The following NOS1 variants were observed in gnomAD, a reference collection of about 807,000 sequenced individuals.
NOS1 encodes the protein nitric oxide synthase 1.
Under a neutral mutation model 164.5 loss-of-function variants are expected in NOS1, and 51 were observed. The observed-to-expected ratio is 0.31, with a 90% CI of 0.25 to 0.39. NOS1 has a LOEUF of 0.39. Ranked by LOEUF, NOS1 falls within the 10% of genes least tolerant of loss-of-function variation. NOS1 has a pLI of 1.00. For synonymous variants in NOS1, 719 were observed against 745.8 expected, an observed-to-expected ratio of 0.96 and a Z score of 0.59; for missense variants, 1,362 against 1,885.6, an observed-to-expected ratio of 0.72 and a Z score of 5.14.
At chr12:117,311,406 C>G (rs1874424637) in intron 3 of NOS1, 60 bp downstream of exon 3, 4 of 1,515,914 alleles carry the variant, frequency 2.6e-6, no homozygotes, top group Non-Finnish European at 3.6e-6. Flanking sequence ...AGCTTCCCAC[C>G]TGGGAGGGGG....
chr12:117,239,629 G>C (rs1279491061), intron 20 of NOS1, among the ~76,000 whole-genome samples: 1 of 152,034 alleles, frequency 6.6e-6, no homozygotes, highest in Non-Finnish European at 1.5e-5. Context: ...TGGCCTTTTG[G>C]GCCAGACAGC....
chr12:117,250,341 T>TC (rs1870992957), intron 17 of NOS1, among the ~76,000 whole-genome samples: 2 of 151,366 alleles, frequency 1.3e-5, no homozygotes, highest in Admixed American at 6.6e-5. Context: ...TTTTTTTTTT[T>TC]TTTTTAGACA....
At chr12:117,227,961 C>T (rs530769815) in intron 22 of NOS1, among the ~76,000 whole-genome samples, 6 of 151,786 alleles carry the variant, frequency 4.0e-5, no homozygotes, top group African/African-American at 4.8e-5. Flanking sequence ...AGTTCAGGTG[C>T]TTGAGGCTGC....
chr12:117,247,298 G>C (rs1378380611), intron 18 of NOS1, 50 bp downstream of exon 18: 1 of 1,448,030 alleles, frequency 6.9e-7, no homozygotes. Flanking sequence ...CTGTCTTTGG[G>C]GGTGTGGGGA....
chr12:117,218,463 T>C (rs1048772447), intron 27 of NOS1, among the ~76,000 whole-genome samples: 1 of 152,048 alleles, frequency 6.6e-6, no homozygotes, highest in East Asian at 1.9e-4. Context: ...AAAGGAGCGA[T>C]GAGGTCAAAT....
chr12:117,310,969 C>CAGTG (rs1874401834), intron 3 of NOS1, among the ~76,000 whole-genome samples: 2 of 152,068 alleles, frequency 1.3e-5, no homozygotes, highest in Admixed American at 6.6e-5. Flanking sequence ...AGGTTCACAC[C>CAGTG]ATTCTCCTGC....
At chr12:117,296,034 T>C (rs979608573) in intron 3 of NOS1, among the ~76,000 whole-genome samples, 2 of 152,254 alleles carry the variant, frequency 1.3e-5, no homozygotes, top group South Asian at 4.1e-4. Flanking sequence ...GTGGTCATCA[T>C]GAGCATATAT....
At chr12:117,288,376 T>C (rs578243262) in intron 4 of NOS1, among the ~76,000 whole-genome samples, 157 bp from the exon 5 acceptor site, 1 of 152,210 alleles carries the variant, frequency 6.6e-6, no homozygotes, top group Non-Finnish European at 1.5e-5. Flanking sequence ...TTGGTGGATA[T>C]GATCATAGTC....
At chr12:117,354,357 A>G (rs1366588343) in intron 1 of NOS1, among the ~76,000 whole-genome samples, 4 of 152,220 alleles carry the variant, frequency 2.6e-5, no homozygotes, top group Non-Finnish European at 4.4e-5. Flanking sequence ...AGTGACTACC[A>G]TGATATTAGA....
intron 13 of NOS1, among the ~76,000 whole-genome samples, chr12:117,263,327 A>C (rs1455557920): frequency 6.6e-6 from 1 of 151,972 alleles, no homozygotes; most frequent in Non-Finnish European, 1.5e-5. Context: ...GCTCCTCCCT[A>C]GTCTGGGTTC....
At chr12:117,276,082 T>C (rs987987300) in intron 9 of NOS1, among the ~76,000 whole-genome samples, 1 of 152,174 alleles carries the variant, frequency 6.6e-6, no homozygotes, top group Non-Finnish European at 1.5e-5. Flanking sequence ...CATGTACTTA[T>C]GGGGTACATG....
chr12:117,269,445 G>C (rs1053926143), intron 10 of NOS1, among the ~76,000 whole-genome samples: 1 of 149,768 alleles, frequency 6.7e-6, no homozygotes, highest in Admixed American at 6.6e-5. Context: ...GGCCCAGGGG[G>C]CAGGATCTCT....
In NOS1 at chr12:117,267,106, G is replaced by C. The variant is rs769917487; in HGVS notation, c.1941+937C>G. 1.8e-4 allele frequency among the ~76,000 whole-genome samples: 28 copies of C among 152,182 alleles called. 1 individual carries two copies. Among genetic ancestry groups the C allele is most frequent in the Non-Finnish European group, 3.2e-4 (22 of 68,036 alleles). ...CTTGATTTAACACATTCATTCTGCT[G>C]GCTGTGTGTGCCTCTCACGTGCATC... is the stretch of plus-strand genomic sequence containing the variant. On this transcript the variant is annotated intron_variant, in intron 11 of 28. Transcript: ENST00000317775.
At chr12:117,324,569 A>C (rs892677304) in intron 2 of NOS1, among the ~76,000 whole-genome samples, 1 of 152,166 alleles carries the variant, frequency 6.6e-6, no homozygotes, top group Non-Finnish European at 1.5e-5. Context: ...GTTTCTACAA[A>C]AAATATAAAA....
intron 10 of NOS1, among the ~76,000 whole-genome samples, chr12:117,269,661 T>A (rs1049641776): frequency 6.6e-6 from 1 of 151,820 alleles, no homozygotes; most frequent in Non-Finnish European, 1.5e-5. Context: ...AGAGATGGGG[T>A]TTCACCATGT....
At chr12:117,284,809 G>C (rs1248482052) in intron 7 of NOS1, among the ~76,000 whole-genome samples, 2 of 152,086 alleles carry the variant, frequency 1.3e-5, no homozygotes, top group East Asian at 3.9e-4. Context: ...CAGCATTTTG[G>C]GAGGCCGAGG....
intron 12 of NOS1, among the ~76,000 whole-genome samples, 173 bp from the exon 13 acceptor site, chr12:117,264,147 G>GA (rs1872174118): frequency 3.9e-5 from 1 of 25,782 alleles, no homozygotes; most frequent in African/African-American, 9.8e-5. Flanking sequence ...GTTGGGGGGA[G>GA]GGGGGGGGTC....
intron 11 of NOS1, among the ~76,000 whole-genome samples, chr12:117,266,828 G>C: frequency 6.6e-6 from 1 of 152,054 alleles, no homozygotes; most frequent in East Asian, 1.9e-4. Flanking sequence ...GTGAGCCACG[G>C]CGCCTGGCTA....
intron 16 of NOS1, 43 bp from the exon 17 acceptor site, chr12:117,253,797 C>T: frequency 7.2e-7 from 1 of 1,388,706 alleles, no homozygotes; most frequent in Non-Finnish European, 1.0e-6. Context: ...GCCTGGAGCT[C>T]CCTCCTGAGG....
Sources: allele counts gnomAD v4.1 joint callset (sites outside exome capture counted in the v4.1 genomes callset), GRCh38; gene constraint gnomAD v4.1.1; transcripts MANE v1.5; gene names NCBI Gene and HGNC (gene_info 2026-07-23, HGNC 2026-07-21).